NEURL3: variants seen among roughly 807,000 people sequenced by gnomAD.
NEURL3 encodes the protein E3 ubiquitin-protein ligase NEURL3.
Under a neutral mutation model 17.6 loss-of-function variants are expected in NEURL3, and 19 were observed. The observed-to-expected ratio is 1.08, with a 90% CI of 0.75 to 1.58. NEURL3 has a LOEUF of 1.58. NEURL3 is among the 40% of genes most tolerant of loss of function. NEURL3 has a pLI of 0.00. For synonymous variants in NEURL3, 180 were observed against 161.4 expected, an observed-to-expected ratio of 1.11 and a Z score of -0.87; for missense variants, 342 against 379.6, an observed-to-expected ratio of 0.90 and a Z score of 0.82.
In NEURL3 at chr2:96,498,492, G is replaced by C; in HGVS notation, c.587-46C>G. ...GGTCAGGGCACATGGGGGAAGGGGT[G>C]GGCAACCCGCTCACAATGTGACCAC... On this transcript the variant is annotated intron_variant, in intron 3 of 3. Coordinates refer to ENST00000451794, the MANE Select transcript of NEURL3 (RefSeq NM_001285485.2). This position sits in a 1 kb window ranked among gnomAD's most constrained non-coding sequence, Gnocchi z 4.4. 1 of 1,516,790 alleles carries C rather than the reference G, an allele frequency of 6.6e-7. No individual in the cohort carries two copies. Among genetic ancestry groups the C allele is most frequent in the Non-Finnish European group, 8.9e-7 (1 of 1,118,228 alleles). The allele number at this position is 1,516,790 out of a possible 1,614,324, so 94.0% of individuals were successfully genotyped here.
At position 96,500,548 on chromosome 2, in the gene NEURL3, G is replaced by C; in HGVS notation, c.405C>G (p.Ala135=). The C allele has an allele frequency of 1.3e-6, 2 of 1,566,010 alleles. No individual in the cohort carries two copies. Among genetic ancestry groups the C allele is most frequent in the Non-Finnish European group, 1.7e-6 (2 of 1,164,714 alleles). The change falls in exon 2 of 4, where the codon GCC becomes GCG. Residue 135 remains alanine (A), a synonymous_variant. Transcript: ENST00000451794. ...GGAGCCGGCAGCCGGCGTTGACCTT[G>C]GCGAAGAGGCAGCCGCGGCGGTCCA... ...FWVDRRGCLF[A]KVNAGCRLLL...
chr2:96,502,494 C>T (rs532750209), intron 1 of NEURL3, among the ~76,000 whole-genome samples: 37 of 152,362 alleles, frequency 2.4e-4, no homozygotes, highest in South Asian at 1.9e-3. Flanking sequence ...CACCTACAAA[C>T]GGCAGTGAAG....
chr2:96,498,136 C>A lies in NEURL3; in HGVS notation c.*108G>T. ...TCTGCCGCACCTCTTGCTAATCAGC[C>A]TTTCTGACTCTTCCCCAGAAAGAAG... On this transcript the variant is annotated 3_prime_UTR_variant, in exon 4 of 4. Transcript: ENST00000451794. The surrounding 1 kb of genome is among the most constrained non-coding windows in gnomAD (Gnocchi z 4.4). The A allele has an allele frequency of 6.7e-6, 8 of 1,199,018 alleles. No individual in the cohort carries two copies. In the South Asian group the frequency reaches 8.0e-5, roughly 12 times the overall value. The allele number at this position is 1,199,018 out of a possible 1,614,324, so 74.3% of individuals were successfully genotyped here. A position where few individuals can be genotyped will look rare whatever the true frequency, so the allele number is the denominator to read the frequency against.
Position 96,498,927 on chromosome 2 carries a change from A to C in NEURL3, c.586+451T>G, listed in dbSNP as rs2065470673. On this transcript the variant is annotated intron_variant, in intron 3 of 3. Coordinates refer to ENST00000451794, the MANE Select transcript of NEURL3 (RefSeq NM_001285485.2). The surrounding 1 kb of genome is among the most constrained non-coding windows in gnomAD (Gnocchi z 4.4). ...CGAGTAGCTGGGGCCACAGACATGCACCACCACACTCAGCTAATTTTTGTA... is the reference window on the plus strand; with the variant it reads ...CGAGTAGCTGGGGCCACAGACATGCCCCACCACACTCAGCTAATTTTTGTA... Among the ~76,000 whole-genome samples, 1 of 152,032 alleles carries C rather than the reference A, an allele frequency of 6.6e-6. No individual in the cohort carries two copies. The highest frequency in any genetic ancestry group is 1.9e-4 in the East Asian group (1 of 5,188).
rs1319567186 is a variant in NEURL3 at position 96,500,473 on chromosome 2, G to A, written c.480C>T (p.Asp160=). 1.3e-6 allele frequency: 2 copies of A among 1,596,824 alleles called. No homozygotes were observed. Among genetic ancestry groups the A allele is most frequent in the Non-Finnish European group, 1.7e-6 (2 of 1,179,104 alleles). ...CGATGGCCTTAGTGGTCCCATACAC[G>A]TCCATCACGGCCCAGAGCGGGGCGC... is the stretch of plus-strand genomic sequence containing the variant. ...PVGAPLWAVM[D]VYGTTKAIEL... is the part of the protein sequence containing the mutation. Residue 160 remains aspartate (D), a synonymous_variant, in exon 2 of 4, where the codon GAC becomes GAT. Coordinates refer to ENST00000451794, the MANE Select transcript of NEURL3 (RefSeq NM_001285485.2).
upstream of NEURL3, among the ~76,000 whole-genome samples, chr2:96,506,860 C>G (rs1457750882): frequency 6.6e-6 from 1 of 152,192 alleles, no homozygotes; most frequent in Non-Finnish European, 1.5e-5. Flanking sequence ...GGTATAGTTG[C>G]ATCAGTGGGA....
Position 96,500,927 on chromosome 2 carries a change from G to T in NEURL3, c.29-3C>A. Reference sequence around the variant, plus strand: ...TGCCTCTCGGGGCGCCTTGGCGTCTGTGGGTTGAGGATGGGGAGTGTCAGT... The same window carrying T: ...TGCCTCTCGGGGCGCCTTGGCGTCTTTGGGTTGAGGATGGGGAGTGTCAGT... On this transcript the variant is annotated splice_polypyrimidine_tract_variant and splice_region_variant and intron_variant, in intron 1 of 3. Transcript: ENST00000451794. 1 of 1,556,252 alleles carries T rather than the reference G, an allele frequency of 6.4e-7. No homozygotes were observed. The highest frequency in any genetic ancestry group is 8.6e-7 in the Non-Finnish European group (1 of 1,160,134).
intron 1 of NEURL3, among the ~76,000 whole-genome samples, chr2:96,501,213 G>T (rs1412540617): frequency 6.6e-6 from 1 of 152,034 alleles, no homozygotes; most frequent in Non-Finnish European, 1.5e-5. Context: ...CGGTTTTTTT[G>T]TTTGTTTTGT....
intron 1 of NEURL3, among the ~76,000 whole-genome samples, chr2:96,504,250 T>G (rs2065539228): frequency 6.9e-6 from 1 of 144,356 alleles, no homozygotes; most frequent in Non-Finnish European, 1.5e-5. Flanking sequence ...CATAAGCACT[T>G]TGCAGCCTCT....
At chr2:96,501,783 G>A (rs1035186364) in intron 1 of NEURL3, among the ~76,000 whole-genome samples, 3 of 152,248 alleles carry the variant, frequency 2.0e-5, no homozygotes, top group Admixed American at 6.5e-5. Flanking sequence ...TGCCTTAGCC[G>A]GCCTTGCCCC....
upstream of NEURL3, among the ~76,000 whole-genome samples, chr2:96,506,207 G>A (rs1381181641): frequency 1.3e-5 from 2 of 152,064 alleles, no homozygotes; most frequent in Non-Finnish European, 2.9e-5. Context: ...TGAGATAAGT[G>A]GACCCGACTT....
In NEURL3 at chr2:96,498,329, G is replaced by C; in HGVS notation, c.704C>G (p.Ala235Gly). Reference protein sequence around the residue: ...YCAWRVFSDTAKCPVCRWQIE... With the variant: ...YCAWRVFSDTGKCPVCRWQIE... Reference sequence around the variant, plus strand: ...CTGCCAGCGGCACACAGGGCACTTGGCCGTATCGCTGAAGACCCGCCAGGC... The same window carrying C: ...CTGCCAGCGGCACACAGGGCACTTGCCCGTATCGCTGAAGACCCGCCAGGC... The change falls in exon 4 of 4, where the codon GCC becomes GGC. Residue 235 changes from alanine to glycine, a missense_variant. Transcript: ENST00000451794. The surrounding 1 kb of genome is among the most constrained non-coding windows in gnomAD (Gnocchi z 4.4). 1 of 1,598,280 alleles carries C rather than the reference G, an allele frequency of 6.3e-7. No homozygotes were observed. Among genetic ancestry groups the C allele is most frequent in the Non-Finnish European group, 8.5e-7 (1 of 1,179,376 alleles).
chr2:96,507,471 G>A (rs983369782), upstream of NEURL3, among the ~76,000 whole-genome samples: 1 of 152,086 alleles, frequency 6.6e-6, no homozygotes, highest in Non-Finnish European at 1.5e-5. Flanking sequence ...TGTTGTTGTT[G>A]TTGTTGTTTT....
intron 1 of NEURL3, among the ~76,000 whole-genome samples, chr2:96,501,873 C>G (rs1304143627): frequency 1.3e-5 from 2 of 152,112 alleles, no homozygotes; most frequent in Non-Finnish European, 2.9e-5. Context: ...AAGGCGAATT[C>G]AATCAGAACT....
In NEURL3 at chr2:96,501,004, A is replaced by G. The variant is rs141647788; in HGVS notation, c.29-80T>C. On this transcript the variant is annotated intron_variant, in intron 1 of 3. Coordinates refer to ENST00000451794, the MANE Select transcript of NEURL3 (RefSeq NM_001285485.2). ...CCCCAGAGAGCCCCCAGTATCCCAG[A>G]GTCCCTCACACCTGGGAGCACCTTG... 228 of 1,409,448 alleles carry G rather than the reference A, an allele frequency of 1.6e-4. 2 individuals are homozygous for G. In the East Asian group the frequency reaches 6.2e-3, roughly 38 times the overall value. 87.3% of individuals were successfully genotyped at this position (1,409,448 alleles called of 1,614,324 possible).
Position 96,500,578 on chromosome 2 carries a change from G to C in NEURL3, c.375C>G (p.Phe125Leu), listed in dbSNP as rs1164292852. The C allele has an allele frequency of 3.9e-6, 6 of 1,540,260 alleles. No homozygotes were observed. The highest frequency in any genetic ancestry group is 5.2e-6 in the Non-Finnish European group (6 of 1,150,564). The change falls in exon 2 of 4, where the codon TTC becomes TTG. Residue 125 changes from phenylalanine (F) to leucine (L), a missense_variant. Physicochemically the swap from Phe to Leu is conservative, Grantham distance 22. Transcript: ENST00000451794. ...GCALTGDLVR[F>L]WVDRRGCLFA... ...AGAGGCAGCCGCGGCGGTCCACCCAGAAGCGGACCAAGTCCCCAGTGAGCG... is the reference window on the plus strand; with the variant it reads ...AGAGGCAGCCGCGGCGGTCCACCCACAAGCGGACCAAGTCCCCAGTGAGCG...
In NEURL3 at chr2:96,498,882, A is replaced by G. The variant is rs1386411361; in HGVS notation, c.587-436T>C. 3.9e-5 allele frequency among the ~76,000 whole-genome samples: 6 copies of G among 152,298 alleles called. No homozygotes were observed. In the East Asian group the frequency reaches 9.6e-4, roughly 24 times the overall value. On this transcript the variant is annotated intron_variant, in intron 3 of 3. Transcript: ENST00000451794. This position sits in a 1 kb window ranked among gnomAD's most constrained non-coding sequence, Gnocchi z 4.4. ...AGCCTCAGCCAGCTGGGCTCAAGCCATCCTTCCACCTCAGCCTCCCGAGTA... is the reference window on the plus strand; with the variant it reads ...AGCCTCAGCCAGCTGGGCTCAAGCCGTCCTTCCACCTCAGCCTCCCGAGTA...
intron 2 of NEURL3, 71 bp downstream of exon 2, chr2:96,500,368 G>C (rs1406993964): frequency 6.4e-7 from 1 of 1,573,288 alleles, no homozygotes; most frequent in African/African-American, 1.3e-5. Flanking sequence ...CTGTGGCTCT[G>C]GATCGGTGTG....
At position 96,498,702 on chromosome 2, in the gene NEURL3, C is replaced by T. The variant is rs192169571; in HGVS notation, c.587-256G>A. Among the ~76,000 whole-genome samples the T allele has an allele frequency of 9.9e-5, 15 of 152,236 alleles. No individual in the cohort carries two copies. Among genetic ancestry groups the T allele is most frequent in the African/African-American group, 2.9e-4 (12 of 41,534 alleles). On this transcript the variant is annotated intron_variant, in intron 3 of 3. Transcript: ENST00000451794. This position sits in a 1 kb window ranked among gnomAD's most constrained non-coding sequence, Gnocchi z 4.4. ...AGTCCCTATATACACACGTCTATAT[C>T]GATGACCGAAAATACTGGGAGGAAA...
Sources: gnomAD v4.1 joint callset for allele counts (sites outside exome capture counted in the v4.1 genomes callset) on GRCh38, gnomAD v4.1.1 for gene constraint, Gnocchi (gnomAD v3.1) non-coding constraint, MANE v1.5 for transcripts, NCBI Gene and HGNC (gene_info 2026-07-23, HGNC 2026-07-21) for gene names.